ATF6: variants seen among roughly 807,000 people sequenced by gnomAD.
ATF6 encodes the protein activating transcription factor 6, also known as cyclic AMP-dependent transcription factor ATF-6 alpha.
A neutral mutation model predicts 83.6 loss-of-function variants in ATF6; 53 were observed. The observed-to-expected ratio is 0.63, with a 90% CI of 0.51 to 0.80. The LOEUF (loss-of-function observed/expected upper bound fraction) is 0.80, where lower values mean the gene tolerates loss of function less well. ATF6 is among the 30% of genes least tolerant of loss of function. ATF6 has a pLI of 0.00. For missense variants in ATF6, 744 were observed against 797.9 expected, an observed-to-expected ratio of 0.93 and a Z score of 0.81; for synonymous variants, 288 against 285.8, an observed-to-expected ratio of 1.01 and a Z score of -0.08.
chr1:161,948,159 A>C (rs181498247), intron 15 of ATF6, among the ~76,000 whole-genome samples: 2 of 152,218 alleles, frequency 1.3e-5, no homozygotes, highest in African/African-American at 4.8e-5. Context: ...TTGGATTATC[A>C]GTTCATGGCA....
intron 14 of ATF6, among the ~76,000 whole-genome samples, chr1:161,885,774 A>G (rs1558010362): frequency 6.6e-6 from 1 of 152,152 alleles, no homozygotes; most frequent in Non-Finnish European, 1.5e-5. Flanking sequence ...AGACGGTATA[A>G]AGACAAATAA....
At chr1:161,777,675 A>T (rs1041801225) in intron 1 of ATF6, among the ~76,000 whole-genome samples, 20 of 152,200 alleles carry the variant, frequency 1.3e-4, no homozygotes, top group African/African-American at 4.8e-4. Context: ...GTATCCACAT[A>T]TTTCTTGATT....
intron 14 of ATF6, among the ~76,000 whole-genome samples, chr1:161,887,482 T>G (rs1340079115): frequency 6.6e-6 from 1 of 152,212 alleles, no homozygotes; most frequent in African/African-American, 2.4e-5. Flanking sequence ...TGAAGAACTT[T>G]GTAAAGGGGA....
At chr1:161,788,047 C>T (rs186374576) in intron 4 of ATF6, among the ~76,000 whole-genome samples, 11 of 152,134 alleles carry the variant, frequency 7.2e-5, no homozygotes, top group African/African-American at 2.2e-4. Context: ...TGTTCCCTTG[C>T]GGACCCATGT....
chr1:161,828,909 C>T (rs1685972845), intron 9 of ATF6, among the ~76,000 whole-genome samples: 1 of 152,112 alleles, frequency 6.6e-6, no homozygotes, highest in Non-Finnish European at 1.5e-5. Context: ...TGCAGAGACA[C>T]ACACAGGCTC....
chr1:161,798,017 AC>A (rs1314188758), intron 6 of ATF6, among the ~76,000 whole-genome samples: 5 of 152,296 alleles, frequency 3.3e-5, no homozygotes, highest in Middle Eastern at 3.4e-3. Context: ...ATAAAGCTGC[AC>A]CCCTGCAACC....
rs1685750796 is a variant in ATF6, at chr1:161,821,109, G to A, written c.1135G>A (p.Val379Ile). The change falls in exon 9 of 16, where the codon GTC becomes ATC. Residue 379 changes from valine (V) to isoleucine (I), a missense_variant. Physicochemically the swap from Val to Ile is conservative, Grantham distance 29. Coordinates refer to ENST00000367942, the MANE Select transcript of ATF6 (RefSeq NM_007348.4). ...LKVPSPKRRV[V>I]CVMIVLAFII... ...AGTCCCTAGTCCAAAGCGAAGAGTT[G>A]TCTGTGTGATGATAGTATTGGCATT... 3.7e-6 allele frequency: 6 copies of A among 1,613,260 alleles called. No individual in the cohort carries two copies. Among genetic ancestry groups the A allele is most frequent in the Non-Finnish European group, 5.1e-6 (6 of 1,179,526 alleles).
At position 161,958,690 on chromosome 1, in the gene ATF6, C is replaced by A. The variant is rs1191458269; in HGVS notation, c.*36C>A. On this transcript the variant is annotated 3_prime_UTR_variant, in exon 16 of 16. Coordinates refer to ENST00000367942, the MANE Select transcript of ATF6 (RefSeq NM_007348.4). Reference sequence around the variant, plus strand: ...CTATGCTGGAAAACTGAGCGTGGGACCCTGCCAGACTGAAGAGCAGGTGAG... The same window carrying A: ...CTATGCTGGAAAACTGAGCGTGGGAACCTGCCAGACTGAAGAGCAGGTGAG... 3 of 1,539,226 alleles carry A rather than the reference C, an allele frequency of 1.9e-6. No homozygotes were observed. The highest frequency in any genetic ancestry group is 1.8e-6 in the Non-Finnish European group (2 of 1,136,602).
At chr1:161,871,999 G>A (rs1036932345) in intron 14 of ATF6, among the ~76,000 whole-genome samples, 5 of 151,570 alleles carry the variant, frequency 3.3e-5, no homozygotes, top group Non-Finnish European at 7.4e-5. Context: ...AAGTTACAAG[G>A]TGGGGCTATA....
chr1:161,931,769 C>T (rs947189352), intron 15 of ATF6, among the ~76,000 whole-genome samples: 3 of 152,126 alleles, frequency 2.0e-5, no homozygotes, highest in Admixed American at 2.0e-4. Context: ...CTTCTAGGTA[C>T]AAGTCACTTA....
At chr1:161,867,630 T>G (rs574380393) in intron 14 of ATF6, among the ~76,000 whole-genome samples, 1 of 152,228 alleles carries the variant, frequency 6.6e-6, no homozygotes, top group Non-Finnish European at 1.5e-5. Context: ...AATGTCAGTT[T>G]GCCATATTAT....
chr1:161,892,115 G>A (rs191205546), intron 14 of ATF6: 6 of 152,226 alleles, frequency 3.9e-5, no homozygotes, highest in African/African-American at 9.6e-5. Flanking sequence ...TGCGAGGAAC[G>A]GAGTTTAAAG....
intron 15 of ATF6, among the ~76,000 whole-genome samples, chr1:161,922,376 A>G (rs920364081): frequency 8.5e-5 from 13 of 152,132 alleles, no homozygotes; most frequent in African/African-American, 3.1e-4. Context: ...ATTTAAAAAT[A>G]CTCATTCACT....
chr1:161,803,182 C>T (rs186156898), intron 7 of ATF6, among the ~76,000 whole-genome samples: 23 of 152,292 alleles, frequency 1.5e-4, no homozygotes, highest in Admixed American at 7.8e-4. Context: ...AGACTACTGT[C>T]TGATCTGTCT....
At chr1:161,766,924 C>A (rs1023969833) in intron 1 of ATF6, among the ~76,000 whole-genome samples, 14 of 152,252 alleles carry the variant, frequency 9.2e-5, no homozygotes, top group African/African-American at 2.6e-4. Context: ...TCCGTCTTGG[C>A]AGAAAAGCAA....
chr1:161,942,793 A>C (rs1688673505), intron 15 of ATF6, among the ~76,000 whole-genome samples: 1 of 152,110 alleles, frequency 6.6e-6, no homozygotes, highest in African/African-American at 2.4e-5. Context: ...TCAAGGCCCA[A>C]ATCTGTGTGA....
intron 9 of ATF6, among the ~76,000 whole-genome samples, chr1:161,832,611 C>CTG (rs1686093363): frequency 1.3e-5 from 2 of 152,246 alleles, no homozygotes; most frequent in African/African-American, 4.8e-5. Flanking sequence ...AGATTATATC[C>CTG]AGCACCTGAC....
chr1:161,820,473 T>C (rs12405269), intron 8 of ATF6, among the ~76,000 whole-genome samples: 21,589 of 152,146 alleles, frequency 0.14, 2,097 homozygotes, highest in East Asian at 0.31. Context: ...TGAATTCTGG[T>C]CGGGCGTGGT....
At chr1:161,950,103 G>C (rs947063820) in intron 15 of ATF6, among the ~76,000 whole-genome samples, 1 of 152,270 alleles carries the variant, frequency 6.6e-6, no homozygotes, top group South Asian at 2.1e-4. Context: ...CTGAATATTC[G>C]TGGTGTTGTG....
Sources: gnomAD v4.1 joint callset for allele counts (sites outside exome capture counted in the v4.1 genomes callset) on GRCh38, gnomAD v4.1.1 for gene constraint, MANE v1.5 for transcripts, NCBI Gene and HGNC (gene_info 2026-07-23, HGNC 2026-07-21) for gene names.